MSI2: variants seen among roughly 807,000 people sequenced by gnomAD.
MSI2 encodes RNA-binding protein Musashi homolog 2.
A neutral mutation model predicts 45.6 loss-of-function variants in MSI2; 17 were observed. That is an observed-to-expected ratio of 0.37 (90% CI 0.26 to 0.56). The LOEUF (loss-of-function observed/expected upper bound fraction) is 0.56, where lower values mean the gene tolerates loss of function less well. Among genes scored for constraint, MSI2 ranks in the 20% least tolerant of loss-of-function variants. The pLI, the probability that MSI2 is intolerant of heterozygous loss-of-function variation, is 0.77. For missense variants in MSI2, 293 were observed against 444.2 expected, an observed-to-expected ratio of 0.66 and a Z score of 3.06; for synonymous variants, 156 against 158.2, an observed-to-expected ratio of 0.99 and a Z score of 0.11.
At chr17:57,567,278 A>C (rs2087757978) in intron 7 of MSI2, among the ~76,000 whole-genome samples, 1 of 152,222 alleles carries the variant, frequency 6.6e-6, no homozygotes, top group South Asian at 2.1e-4. Flanking sequence ...AATGGCTTGA[A>C]AATTAGGTGC....
intron 5 of MSI2, among the ~76,000 whole-genome samples, chr17:57,369,490 A>G (rs945568414): frequency 6.6e-6 from 1 of 152,206 alleles, no homozygotes; most frequent in African/African-American, 2.4e-5. Flanking sequence ...CTGCCAGGGA[A>G]AGGGACCCTC....
chr17:57,527,912 A>G (rs913173063), intron 6 of MSI2, among the ~76,000 whole-genome samples: 3 of 152,214 alleles, frequency 2.0e-5, no homozygotes, highest in East Asian at 1.9e-4. Flanking sequence ...CTTCCCCTCC[A>G]TTGGAGATTG....
intron 10 of MSI2, chr17:57,632,142 A>G: frequency 6.6e-6 from 8 of 1,207,846 alleles, no homozygotes; most frequent in Middle Eastern, 3.3e-4. Flanking sequence ...GAGCCTCCTC[A>G]GGGGAAGCTA....
At chr17:57,563,121 A>AAAAAAC (rs1555624268) in intron 7 of MSI2, among the ~76,000 whole-genome samples, 2 of 149,996 alleles carry the variant, frequency 1.3e-5, no homozygotes, top group African/African-American at 4.9e-5. Flanking sequence ...AAAAAAAAAA[A>AAAAAAC]CAGTGCATAG....
chr17:57,257,481 AT>A lies in MSI2; in HGVS notation c.123del (p.Phe41LeufsTer13). Reference protein sequence around the residue: ...WQTSPDSLRDYFSKFGEIREC... With the variant: ...WQTSPDSLRDXFSKFGEIREC... Reference sequence around the variant, plus strand: ...CTCTCTACAGATAGCCTTAGAGACTATTTTAGCAAATTTGGAGAAATTAGAG... The same window carrying A: ...CTCTCTACAGATAGCCTTAGAGACTATTTAGCAAATTTGGAGAAATTAGAG... On this transcript the variant is annotated frameshift_variant, in exon 3 of 14. Transcript: ENST00000284073. LOFTEE classifies it high-confidence loss of function. The A allele has an allele frequency of 6.4e-7, 1 of 1,564,980 alleles. No individual in the cohort carries two copies. Among genetic ancestry groups the A allele is most frequent in the Non-Finnish European group, 8.7e-7 (1 of 1,143,984 alleles).
At chr17:57,341,949 T>C (rs1915200587) in intron 5 of MSI2, among the ~76,000 whole-genome samples, 3 of 152,116 alleles carry the variant, frequency 2.0e-5, no homozygotes, top group South Asian at 4.1e-4. Flanking sequence ...CCTTCTAACT[T>C]GCCATGGAAC....
At chr17:57,438,690 A>G (rs760432517) in intron 6 of MSI2, among the ~76,000 whole-genome samples, 6 of 152,188 alleles carry the variant, frequency 3.9e-5, no homozygotes, top group African/African-American at 1.4e-4. Context: ...AGGAGGGGGA[A>G]AATGGAAGTG....
chr17:57,643,997 A>G (rs1277116498), intron 10 of MSI2, among the ~76,000 whole-genome samples: 1 of 151,926 alleles, frequency 6.6e-6, no homozygotes, highest in Non-Finnish European at 1.5e-5. Context: ...CGTGCCTGTC[A>G]TTTTCCCAGC....
intron 6 of MSI2, among the ~76,000 whole-genome samples, chr17:57,414,665 G>A (rs766195866): frequency 6.6e-6 from 1 of 152,172 alleles, no homozygotes; most frequent in African/African-American, 2.4e-5. Flanking sequence ...CTCCCAAAAT[G>A]CTGGGATTAC....
At chr17:57,436,079 A>C (rs2084685242) in intron 6 of MSI2, among the ~76,000 whole-genome samples, 1 of 152,224 alleles carries the variant, frequency 6.6e-6, no homozygotes, top group Non-Finnish European at 1.5e-5. Flanking sequence ...TGAGTGATGA[A>C]GCAATTAAAA....
intron 6 of MSI2, among the ~76,000 whole-genome samples, chr17:57,465,438 C>T (rs529952920): frequency 6.6e-6 from 1 of 152,300 alleles, no homozygotes; most frequent in Admixed American, 6.5e-5. Flanking sequence ...AGATCCCTGC[C>T]TGGGTTTTTT....
At chr17:57,358,204 G>GT (rs1555586786) in intron 5 of MSI2, among the ~76,000 whole-genome samples, 6 of 72,464 alleles carry the variant, frequency 8.3e-5, no homozygotes, top group Admixed American at 1.7e-4. Context: ...TGTGTGGGGG[G>GT]GTGTGTGTGT....
At chr17:57,409,646 C>A (rs1301923443) in intron 6 of MSI2, among the ~76,000 whole-genome samples, 2 of 152,056 alleles carry the variant, frequency 1.3e-5, no homozygotes, top group African/African-American at 4.8e-5. Flanking sequence ...AAGGAAGAAT[C>A]TGATGGAGGG....
At chr17:57,606,900 G>T (rs992586025) in intron 8 of MSI2, among the ~76,000 whole-genome samples, 4 of 151,974 alleles carry the variant, frequency 2.6e-5, no homozygotes, top group Admixed American at 1.3e-4. Flanking sequence ...GGTGATGGGG[G>T]GGGGTGGCTG....
intron 6 of MSI2, among the ~76,000 whole-genome samples, chr17:57,484,481 T>C (rs1598321070): frequency 6.6e-6 from 1 of 152,248 alleles, no homozygotes; most frequent in African/African-American, 2.4e-5. Flanking sequence ...AGATTCTAAA[T>C]CTGTTTTTCA....
intron 6 of MSI2, among the ~76,000 whole-genome samples, chr17:57,485,628 C>T (rs1343692720): frequency 2.6e-5 from 4 of 152,178 alleles, no homozygotes; most frequent in Non-Finnish European, 5.9e-5. Flanking sequence ...CAGACCTTCA[C>T]GGAGCCTTTG....
chr17:57,607,040 G>A (rs1324785648), intron 8 of MSI2, among the ~76,000 whole-genome samples: 1 of 152,100 alleles, frequency 6.6e-6, no homozygotes, highest in South Asian at 2.1e-4. Context: ...CTGTAACTAC[G>A]AGGCGGGTAA....
rs541799018 is a variant in MSI2, at chr17:57,281,165, AACCTATG to A, written c.312+18974_312+18980del. The stretch of plus-strand genomic sequence containing the variant: ...GATGTTTGCTAGTCTGTGTGTGCTC[AACCTATG>A]GGAATATGGCAAGGCCCACTCCCCT... On this transcript the variant is annotated intron_variant, in intron 5 of 13. Transcript: ENST00000284073. 2.4e-3 allele frequency among the ~76,000 whole-genome samples: 371 copies of A among 152,108 alleles called. 1 individual carries two copies. The highest frequency in any genetic ancestry group is 8.6e-3 in the African/African-American group (356 of 41,478).
intron 6 of MSI2, among the ~76,000 whole-genome samples, chr17:57,482,212 T>G (rs1032860875): frequency 6.6e-6 from 1 of 152,206 alleles, no homozygotes; most frequent in South Asian, 2.1e-4. Context: ...AGGGTTTGAG[T>G]CAGAATCTGT....
Sources: gnomAD v4.1 joint callset for allele counts (sites outside exome capture counted in the v4.1 genomes callset) on GRCh38, gnomAD v4.1.1 for gene constraint, MANE v1.5 for transcripts, NCBI Gene and HGNC (gene_info 2026-07-23, HGNC 2026-07-21) for gene names.